UNC13B: variants seen among roughly 807,000 people sequenced by gnomAD.
The protein encoded by UNC13B is unc-13 homolog B, also known as protein unc-13 homolog B.
Under a neutral mutation model 211.0 loss-of-function variants are expected in UNC13B, and 144 were observed. The observed-to-expected ratio is 0.68, with a 90% CI of 0.60 to 0.78. The LOEUF is 0.78. Ranked by LOEUF, UNC13B falls within the 30% of genes least tolerant of loss-of-function variation. The pLI, the probability that UNC13B is intolerant of heterozygous loss-of-function variation, is 0.00. For synonymous variants in UNC13B, 709 were observed against 725.8 expected, an observed-to-expected ratio of 0.98 and a Z score of 0.37; for missense variants, 1,777 against 2,002.0, an observed-to-expected ratio of 0.89 and a Z score of 2.14.
intron 7 of UNC13B, among the ~76,000 whole-genome samples, chr9:35,270,339 A>ATGTG (rs67433459): frequency 2.5e-4 from 37 of 150,360 alleles, no homozygotes; most frequent in African/African-American, 5.6e-4. Context: ...ATGTATATAT[A>ATGTG]TGTGTGTGTG....
rs577691188 is a variant in UNC13B, at chr9:35,300,164, A to G, written c.762-2A>G. 5 of 398,854 alleles carry G rather than the reference A, an allele frequency of 1.3e-5. No homozygotes were observed. In the East Asian group the frequency reaches 1.4e-4, roughly 11 times the overall value. The allele number at this position is 398,854 out of a possible 1,614,324, so 24.7% of individuals were successfully genotyped here. On this transcript the variant is annotated splice_acceptor_variant, in intron 8 of 39. Coordinates refer to ENST00000635942, the MANE Select transcript of UNC13B (RefSeq NM_001371189.2). LOFTEE classifies it high-confidence loss of function. ...TAAGGTTGAAACTTCTGTTTTCTCC[A>G]GGTATGCTCAGAAATATGATACACT...
chr9:35,398,176 G>A lies in UNC13B; in HGVS notation c.11755-35G>A, dbSNP rs2274594. On this transcript the variant is annotated intron_variant, in intron 30 of 39. Transcript: ENST00000635942. ...AGGCTAATGGGTCCTATGCTGAAAGGAGCCAAGACTCAACAGCTACATCTG... is the reference window on the plus strand; with the variant it reads ...AGGCTAATGGGTCCTATGCTGAAAGAAGCCAAGACTCAACAGCTACATCTG... The A allele has an allele frequency of 2.5e-6, 4 of 1,601,794 alleles. No individual in the cohort carries two copies. In the African/African-American group the frequency reaches 5.4e-5, roughly 21 times the overall value.
chr9:35,387,109 T>C (rs1835238219), intron 24 of UNC13B, among the ~76,000 whole-genome samples: 1 of 152,072 alleles, frequency 6.6e-6, no homozygotes, highest in South Asian at 2.1e-4. Context: ...TATATATAAC[T>C]CTAATCAAAA....
chr9:35,178,397 T>C (rs1007680024), intron 1 of UNC13B, among the ~76,000 whole-genome samples: 1 of 151,754 alleles, frequency 6.6e-6, no homozygotes, highest in Non-Finnish European at 1.5e-5. Flanking sequence ...CTTGGGAGGC[T>C]GAGGTGGGAG....
At chr9:35,213,867 G>A (rs976724795) in intron 1 of UNC13B, among the ~76,000 whole-genome samples, 9 of 152,066 alleles carry the variant, frequency 5.9e-5, no homozygotes, top group African/African-American at 1.9e-4. Flanking sequence ...CAAAAAGACA[G>A]TCCAAAGCTA....
intron 1 of UNC13B, among the ~76,000 whole-genome samples, chr9:35,167,687 A>C (rs1452869468): frequency 6.8e-6 from 1 of 147,272 alleles, no homozygotes; most frequent in Non-Finnish European, 1.5e-5. Flanking sequence ...TCCTGGGTTC[A>C]AGCAATTATC....
chr9:35,214,059 G>A (rs1040763922), intron 1 of UNC13B, among the ~76,000 whole-genome samples: 2 of 152,082 alleles, frequency 1.3e-5, no homozygotes, highest in Non-Finnish European at 2.9e-5. Context: ...AGCAGACTGA[G>A]TATAAATCAA....
chr9:35,219,197 A>G (rs1449838042), intron 1 of UNC13B, among the ~76,000 whole-genome samples: 5 of 152,166 alleles, frequency 3.3e-5, no homozygotes, highest in Non-Finnish European at 2.9e-5. Context: ...TTAGATTTCC[A>G]TACACTCAAC....
intron 1 of UNC13B, among the ~76,000 whole-genome samples, chr9:35,199,405 GAGGAATCGCCA>G (rs1823142502): frequency 6.6e-6 from 1 of 152,152 alleles, no homozygotes; most frequent in Non-Finnish European, 1.5e-5. Context: ...CTAGATCCTT[GAGGAATCGCCA>G]CACTGTCTTC....
chr9:35,233,885 C>G (rs1336588974), intron 3 of UNC13B, among the ~76,000 whole-genome samples: 1 of 152,152 alleles, frequency 6.6e-6, no homozygotes, highest in Non-Finnish European at 1.5e-5. Context: ...TCTCAGACCT[C>G]TCTTAGCTGG....
intron 24 of UNC13B, among the ~76,000 whole-genome samples, chr9:35,386,703 G>A (rs540535055): frequency 1.3e-5 from 2 of 152,120 alleles, no homozygotes; most frequent in African/African-American, 4.8e-5. Flanking sequence ...GCTGGCTCCT[G>A]GAAGCTTTAC....
At chr9:35,207,478 T>TTTTTTTTATTTATTTATTTA (rs146668335) in intron 1 of UNC13B, among the ~76,000 whole-genome samples, 5 of 142,978 alleles carry the variant, frequency 3.5e-5, no homozygotes, top group African/African-American at 1.3e-4. Context: ...AGAAATTAAT[T>TTTTTTTTATTTATTTATTTA]TTTATTTATT....
chr9:35,289,804 C>T (rs1828995264), intron 7 of UNC13B, among the ~76,000 whole-genome samples: 2 of 151,968 alleles, frequency 1.3e-5, no homozygotes, highest in Non-Finnish European at 2.9e-5. Context: ...TGGTGAAACC[C>T]TGTCTCTACT....
At position 35,201,070 on chromosome 9, in the gene UNC13B, C is replaced by T. The variant is rs538532148; in HGVS notation, c.23-26945C>T. Reference sequence around the variant, plus strand: ...CGGGCTGTTGAATTTTGTCGAAGGCCTTTTCTGCATCTATTGAGATAATCA... The same window carrying T: ...CGGGCTGTTGAATTTTGTCGAAGGCTTTTTCTGCATCTATTGAGATAATCA... On this transcript the variant is annotated intron_variant, in intron 1 of 39. Transcript: ENST00000635942. 3.1e-4 allele frequency among the ~76,000 whole-genome samples: 47 copies of T among 152,174 alleles called. No individual in the cohort carries two copies. In the Middle Eastern group the frequency reaches 0.024, roughly 78 times the overall value.
In UNC13B at chr9:35,180,625, A is replaced by G. The variant is rs1229944534; in HGVS notation, c.22+18320A>G. ...TGAATCTGTTTCAATTTTATACTGC[A>G]TTGTTTAATTAAGTCAGACTTGGGG... On this transcript the variant is annotated intron_variant, in intron 1 of 39. Coordinates refer to ENST00000635942, the MANE Select transcript of UNC13B (RefSeq NM_001371189.2). Among the ~76,000 whole-genome samples, 3 of 152,140 alleles carry G rather than the reference A, an allele frequency of 2.0e-5. No individual in the cohort carries two copies. The East Asian group carries it at 5.8e-4, about 29-fold the overall frequency.
At chr9:35,317,151 T>G (rs1045619329) in intron 11 of UNC13B, among the ~76,000 whole-genome samples, 4 of 152,206 alleles carry the variant, frequency 2.6e-5, no homozygotes, top group African/African-American at 9.6e-5. Flanking sequence ...GCTGCCTAAC[T>G]GCAAACACTG....
chr9:35,381,344 C>T (rs1047383506), intron 19 of UNC13B, 129 bp downstream of exon 19: 1 of 987,134 alleles, frequency 1.0e-6, no homozygotes, highest in Non-Finnish European at 1.5e-6. Flanking sequence ...CACTCTGTTA[C>T]CCTGGAGAGT....
chr9:35,272,201 A>G (rs1294324915), intron 7 of UNC13B, among the ~76,000 whole-genome samples: 1 of 112,444 alleles, frequency 8.9e-6, no homozygotes, highest in East Asian at 2.4e-4. Context: ...ACAAGGAAAT[A>G]TAATTTTTTT....
chr9:35,230,470 C>CAA lies in UNC13B; in HGVS notation c.53-629_53-628dup, dbSNP rs765330072. Among the ~76,000 whole-genome samples the CAA allele has an allele frequency of 1.4e-3, 72 of 49,714 alleles. 1 individual carries two copies. Among genetic ancestry groups the CAA allele is most frequent in the East Asian group, 7.9e-3 (17 of 2,158 alleles). 32.6% of individuals were successfully genotyped at this position (49,714 alleles called of 152,430 possible). A position where few individuals can be genotyped will look rare whatever the true frequency, so the allele number is the denominator to read the frequency against. On this transcript the variant is annotated intron_variant, in intron 2 of 39. Transcript: ENST00000635942. ...TGGGTGACACAGCAAGACTCTGTCT[C>CAA]AAAAAAAAAAAAAAAAAAAAAAGAT...
Sources: allele counts gnomAD v4.1 joint callset (sites outside exome capture counted in the v4.1 genomes callset), GRCh38; gene constraint gnomAD v4.1.1; transcripts MANE v1.5; gene names NCBI Gene and HGNC (gene_info 2026-07-23, HGNC 2026-07-21).